The following OTOGL variants were observed in gnomAD, a reference collection of about 807,000 sequenced individuals.
OTOGL encodes the protein otogelin-like protein.
Under a neutral mutation model 318.5 loss-of-function variants are expected in OTOGL, and 285 were observed. That is an observed-to-expected ratio of 0.89 (90% CI 0.81 to 0.99). The LOEUF (loss-of-function observed/expected upper bound fraction) is 0.99, where lower values mean the gene tolerates loss of function less well. OTOGL is among the 50% of genes least tolerant of loss of function. OTOGL has a pLI of 0.00. For synonymous variants in OTOGL, 987 were observed against 936.5 expected (o/e 1.05, Z -0.99); for missense variants, 2,899 against 2,845.6 (o/e 1.02, Z -0.43).
At chr12:80,249,465 G>A (rs1009553564) in intron 11 of OTOGL, among the ~76,000 whole-genome samples, 2 of 151,502 alleles carry the variant, frequency 1.3e-5, no homozygotes, top group African/African-American at 4.9e-5. Context: ...GTGCCTCCCA[G>A]TTAGGCTGCT....
chr12:80,362,046 A>C (rs893534655), intron 52 of OTOGL, among the ~76,000 whole-genome samples: 1 of 152,162 alleles, frequency 6.6e-6, no homozygotes, highest in African/African-American at 2.4e-5. Flanking sequence ...AGCCAAAAAA[A>C]TCATTGCTGA....
chr12:80,174,799 T>G (rs1351132639), intron 1 of OTOGL, among the ~76,000 whole-genome samples: 1 of 152,150 alleles, frequency 6.6e-6, no homozygotes, highest in African/African-American at 2.4e-5. Flanking sequence ...ATTTAATGCA[T>G]GTAGATTAGA....
chr12:80,120,946 TG>T (rs1284311522), intron 1 of OTOGL, among the ~76,000 whole-genome samples: 4 of 152,206 alleles, frequency 2.6e-5, no homozygotes, highest in Admixed American at 2.6e-4. Flanking sequence ...GAAATTCTTT[TG>T]GCTGAGCAAG....
At chr12:80,102,041 G>C (rs542370457) in intron 1 of OTOGL, among the ~76,000 whole-genome samples, 1 of 152,130 alleles carries the variant, frequency 6.6e-6, no homozygotes, top group East Asian at 1.9e-4. Flanking sequence ...TCCAATCCAG[G>C]CTTCTATTAA....
chr12:80,214,534 T>G (rs946602933), intron 4 of OTOGL, among the ~76,000 whole-genome samples: 1 of 152,148 alleles, frequency 6.6e-6, no homozygotes, highest in Admixed American at 6.5e-5. Flanking sequence ...GAAATCCAGA[T>G]GAATTCCAAG....
chr12:80,319,419 G>A (rs141299513), intron 33 of OTOGL, among the ~76,000 whole-genome samples: 272 of 152,162 alleles, frequency 1.8e-3, no homozygotes, highest in African/African-American at 4.0e-3. Context: ...CTTAACTTTC[G>A]CTTATTCTGA....
intron 1 of OTOGL, among the ~76,000 whole-genome samples, chr12:80,111,618 G>T (rs148207914): frequency 0.022 from 3,337 of 152,210 alleles, 54 homozygotes; most frequent in Non-Finnish European, 0.033. Context: ...TATCTGTTTT[G>T]GTATCAGTAC....
chr12:80,133,606 A>G (rs972108546), intron 1 of OTOGL: 1 of 152,226 alleles, frequency 6.6e-6, no homozygotes, highest in African/African-American at 2.4e-5. Context: ...AGCTAAACTC[A>G]TTCAAGCCCA....
At chr12:80,331,490 A>G (rs1888065566) in intron 37 of OTOGL, among the ~76,000 whole-genome samples, 1 of 151,582 alleles carries the variant, frequency 6.6e-6, no homozygotes, top group Non-Finnish European at 1.5e-5. Context: ...ACAGGCATGC[A>G]CCACATGCCC....
chr12:80,277,849 C>T (rs1883924089), intron 24 of OTOGL, among the ~76,000 whole-genome samples: 1 of 151,410 alleles, frequency 6.6e-6, no homozygotes, highest in South Asian at 2.1e-4. Flanking sequence ...ACTCTCATTT[C>T]CTCTATAAAT....
chr12:80,251,716 G>A lies in OTOGL; in HGVS notation c.1076G>A (p.Cys359Tyr), dbSNP rs1299012895. Reference sequence around the variant, plus strand: ...AGAACTGATGATGATGAAACCTATTGCCGAGCAGCCACTGAGTATGCTAGA... The same window carrying A: ...AGAACTGATGATGATGAAACCTATTACCGAGCAGCCACTGAGTATGCTAGA... ...LCKTDDDETY[C>Y]RAATEYARAC... Residue 359 changes from cysteine (C) to tyrosine (Y), a missense_variant, in exon 12 of 59, where the codon TGC becomes TAC. Physicochemically the swap from Cys to Tyr is radical, Grantham distance 194. Coordinates refer to ENST00000547103, the MANE Select transcript of OTOGL (RefSeq NM_001378609.3). 7 of 1,590,820 alleles carry A rather than the reference G, an allele frequency of 4.4e-6. 1 individual carries two copies. In the South Asian group the frequency reaches 8.0e-5, roughly 18 times the overall value.
Position 80,366,648 on chromosome 12 carries a change from CT to C in OTOGL, c.6331+15del. ...TACAGTATCTCTGTGGTAACTATGT[CT>C]TTTGTAACTTTTAAATTATAAATGA... is the stretch of plus-strand genomic sequence containing the variant. On this transcript the variant is annotated intron_variant, in intron 53 of 58. Transcript: ENST00000547103. 7.9e-7 allele frequency: 1 copy of C among 1,263,108 alleles called. No individual in the cohort carries two copies. The highest frequency in any genetic ancestry group is 1.0e-6 in the Non-Finnish European group (1 of 960,138). 78.2% of individuals were successfully genotyped at this position (1,263,108 alleles called of 1,614,324 possible). A position where few individuals can be genotyped will look rare whatever the true frequency, so the allele number is the denominator to read the frequency against.
intron 1 of OTOGL, among the ~76,000 whole-genome samples, chr12:80,134,779 T>C (rs1871445420): frequency 6.6e-6 from 1 of 152,202 alleles, no homozygotes; most frequent in African/African-American, 2.4e-5. Flanking sequence ...TCTTTGTCTA[T>C]GTTTATGTCA....
At chr12:80,112,395 T>G (rs1044667562) in intron 1 of OTOGL, among the ~76,000 whole-genome samples, 4 of 152,132 alleles carry the variant, frequency 2.6e-5, no homozygotes, top group Admixed American at 6.6e-5. Flanking sequence ...ATAAAGAGCT[T>G]TTATTATGTT....
chr12:80,222,068 A>G (rs754712925), intron 6 of OTOGL, 23 bp from the exon 7 acceptor site: 54 of 1,576,816 alleles, frequency 3.4e-5, no homozygotes, highest in Admixed American at 8.8e-5. Flanking sequence ...TTGCCTACAA[A>G]ATATTATCCT....
intron 14 of OTOGL, 22 bp downstream of exon 14, chr12:80,253,596 A>C: frequency 6.4e-7 from 1 of 1,559,210 alleles, no homozygotes; most frequent in South Asian, 1.1e-5. Flanking sequence ...GTGTGCAGCC[A>C]ATTATTTCTG....
intron 55 of OTOGL, 75 bp downstream of exon 55, chr12:80,368,384 C>CCT (rs1890683633): frequency 4.1e-6 from 3 of 738,260 alleles, no homozygotes; most frequent in Middle Eastern, 2.4e-4. Flanking sequence ...TGGAAAATGT[C>CCT]CCCCCCCACA....
At chr12:80,339,383 A>G (rs1888630724) in intron 43 of OTOGL, 119 bp downstream of exon 43, 3 of 802,674 alleles carry the variant, frequency 3.7e-6, no homozygotes, top group Admixed American at 3.0e-5. Context: ...GAGATGTGAT[A>G]TTAACTTTCA....
intron 29 of OTOGL, among the ~76,000 whole-genome samples, chr12:80,307,925 C>A (rs372363486): frequency 7.4e-5 from 9 of 122,312 alleles, no homozygotes; most frequent in East Asian, 2.7e-4. Context: ...GGGGGCTGAC[C>A]CCCCCACCTC....
Sources: gnomAD v4.1 joint callset for allele counts (sites outside exome capture counted in the v4.1 genomes callset) on GRCh38, gnomAD v4.1.1 for gene constraint, MANE v1.5 for transcripts, NCBI Gene and HGNC (gene_info 2026-07-23, HGNC 2026-07-21) for gene names.